The following CPNE1 variants were observed in gnomAD, a reference collection of about 807,000 sequenced individuals.
The protein encoded by CPNE1 is copine-1.
In CPNE1, 58 loss-of-function variants were observed where a neutral mutation model predicts 63.2. The observed-to-expected ratio is 0.92, with a 90% confidence interval of 0.74 to 1.14. The LOEUF is 1.14. Ranked by LOEUF, CPNE1 falls within the 50% of genes most tolerant of loss-of-function variation. The probability of loss-of-function intolerance (pLI) is 0.00; values close to 1 mark genes in which losing one functional copy is unlikely to be tolerated. For missense variants in CPNE1, 672 were observed against 661.7 expected (o/e 1.02, Z -0.17); for synonymous variants, 237 against 249.0 (o/e 0.95, Z 0.45).
intron 4 of CPNE1, 35 bp downstream of exon 4, chr20:35,632,276 T>A (rs760310788): frequency 6.2e-7 from 1 of 1,613,372 alleles, no homozygotes. Context: ...TTCATTGATG[T>A]TAAGTCCCTC....
rs997585047 is a variant in CPNE1 at position 35,632,704 on chromosome 20, C to T, written c.130-8G>A. ...CCGTTCAGTCCGGCCAAGCTGTGGG[C>T]AGAGGCCAGTAAGCATCACAGTCAC... On this transcript the variant is annotated splice_region_variant and splice_polypyrimidine_tract_variant and intron_variant, in intron 2 of 15. Coordinates refer to ENST00000397443, the MANE Select transcript of CPNE1 (RefSeq NM_152925.3). 4.3e-6 allele frequency: 4 copies of T among 931,582 alleles called. No individual in the cohort carries two copies. The highest frequency in any genetic ancestry group is 3.4e-5 in the Admixed American group (2 of 59,222). The allele number at this position is 931,582 out of a possible 1,614,324, so 57.7% of individuals were successfully genotyped here.
intron 1 of CPNE1, among the ~76,000 whole-genome samples, chr20:35,644,979 A>G (rs942355301): frequency 3.9e-5 from 6 of 152,222 alleles, no homozygotes; most frequent in East Asian, 3.8e-4. Flanking sequence ...AGGGTAGTCA[A>G]TTCTGCCCCC....
intron 1 of CPNE1, among the ~76,000 whole-genome samples, chr20:35,638,274 T>C (rs1373108610): frequency 1.3e-5 from 2 of 152,200 alleles, no homozygotes; most frequent in Non-Finnish European, 2.9e-5. Flanking sequence ...TGATCTTGTA[T>C]AGTTCAACTT....
rs139024672 is a variant in CPNE1 at position 35,631,930 on chromosome 20, C to T, written c.537+15G>A. ...ATCTCCTACCCCAGCCCACCCAATC[C>T]CAGGGGTCTCATACCTCAGATCTGT... is the stretch of plus-strand genomic sequence containing the variant. On this transcript the variant is annotated intron_variant, in intron 6 of 15. Transcript: ENST00000397443. 3.3e-3 allele frequency: 5,367 copies of T among 1,611,712 alleles called. 16 individuals are homozygous for T. The highest frequency in any genetic ancestry group is 0.01 in the Middle Eastern group (62 of 6,052).
intron 1 of CPNE1, among the ~76,000 whole-genome samples, chr20:35,639,462 G>C (rs1454832386): frequency 6.6e-6 from 1 of 152,084 alleles, no homozygotes; most frequent in Non-Finnish European, 1.5e-5. Context: ...ACAGCCTCCA[G>C]AGTAGCTGGG....
intron 1 of CPNE1, among the ~76,000 whole-genome samples, chr20:35,659,358 C>A (rs2034102895): frequency 6.6e-6 from 1 of 152,170 alleles, no homozygotes; most frequent in Non-Finnish European, 1.5e-5. Flanking sequence ...CCAGAAAACT[C>A]CGTAACACAA....
intron 1 of CPNE1, among the ~76,000 whole-genome samples, chr20:35,640,860 A>G (rs148477754): frequency 8.1e-4 from 124 of 152,264 alleles, no homozygotes; most frequent in African/African-American, 2.9e-3. Context: ...ACACTGAGAG[A>G]AGTAGGCTTT....
At chr20:35,660,971 T>C (rs2034201858) in intron 1 of CPNE1, among the ~76,000 whole-genome samples, 1 of 152,222 alleles carries the variant, frequency 6.6e-6, no homozygotes, top group Non-Finnish European at 1.5e-5. Flanking sequence ...AAGGAAGATA[T>C]TTCTCATTCC....
intron 1 of CPNE1, chr20:35,654,742 G>A (rs1052163044): frequency 1.2e-6 from 2 of 1,613,572 alleles, no homozygotes; most frequent in Non-Finnish European, 1.7e-6. Context: ...TGGCATCGCT[G>A]GAATTGGAGG....
intron 1 of CPNE1, chr20:35,654,089 T>C (rs746008379): frequency 7.4e-6 from 12 of 1,614,132 alleles, no homozygotes; most frequent in South Asian, 4.4e-5. Context: ...CTGGGCGATT[T>C]TGACCTGGGA....
chr20:35,633,551 A>C (rs909581943), intron 1 of CPNE1, among the ~76,000 whole-genome samples: 1 of 152,144 alleles, frequency 6.6e-6, no homozygotes, highest in Admixed American at 6.5e-5. Context: ...GGCTTACAGC[A>C]TTAGCCTCTT....
intron 1 of CPNE1, chr20:35,654,205 T>C (rs2033742223): frequency 6.2e-7 from 1 of 1,614,108 alleles, no homozygotes; most frequent in Admixed American, 1.7e-5. Flanking sequence ...AGGGCTAACT[T>C]CCACATAGCG....
intron 1 of CPNE1, among the ~76,000 whole-genome samples, chr20:35,634,973 G>A (rs549153286): frequency 1.4e-5 from 2 of 145,726 alleles, no homozygotes; most frequent in South Asian, 2.2e-4. Context: ...GCAACTCCTC[G>A]GATCAAGCAA....
chr20:35,644,380 G>A (rs907758119), intron 1 of CPNE1, among the ~76,000 whole-genome samples: 1 of 152,134 alleles, frequency 6.6e-6, no homozygotes, highest in African/African-American at 2.4e-5. Flanking sequence ...CTGCAGTGTA[G>A]AATCACTACC....
chr20:35,647,000 C>T (rs2033142332), intron 1 of CPNE1, among the ~76,000 whole-genome samples: 1 of 151,930 alleles, frequency 6.6e-6, no homozygotes, highest in South Asian at 2.1e-4. Flanking sequence ...TATGCCCTAA[C>T]CTTTAACATT....
intron 1 of CPNE1, chr20:35,654,519 C>A: frequency 6.2e-7 from 1 of 1,614,156 alleles, no homozygotes; most frequent in South Asian, 1.1e-5. Flanking sequence ...GATTATTGTT[C>A]AAATTCATAG....
intron 1 of CPNE1, chr20:35,651,011 GAC>G: frequency 6.6e-6 from 1 of 152,564 alleles, no homozygotes. Context: ...TTTATAATGT[GAC>G]ACATTTTCAG....
At chr20:35,656,016 G>T (rs1181526745) in intron 1 of CPNE1, among the ~76,000 whole-genome samples, 2 of 152,178 alleles carry the variant, frequency 1.3e-5, no homozygotes, top group East Asian at 3.9e-4. Flanking sequence ...ACAAGGTTAA[G>T]ACATACTAAG....
chr20:35,631,731 G>A lies in CPNE1; in HGVS notation c.584C>T (p.Pro195Leu). The A allele has an allele frequency of 6.2e-7, 1 of 1,614,064 alleles. No individual in the cohort carries two copies. The highest frequency in any genetic ancestry group is 8.5e-7 in the Non-Finnish European group (1 of 1,180,000). ...LNPTWKRFSV[P>L]VQHFCGGNPS... ...GTTCCCACCACAGAAATGCTGAACG[G>A]GGACTGAGAAACGCTTCCATGTAGG... The change falls in exon 7 of 16, where the codon CCC becomes CTC. Residue 195 changes from proline to leucine, a missense_variant. Coordinates refer to ENST00000397443, the MANE Select transcript of CPNE1 (RefSeq NM_152925.3).
Sources: allele counts gnomAD v4.1 joint callset (sites outside exome capture counted in the v4.1 genomes callset), GRCh38; gene constraint gnomAD v4.1.1; transcripts MANE v1.5; gene names NCBI Gene and HGNC (gene_info 2026-07-23, HGNC 2026-07-21).